Variants in MACROD2 observed in about 807,000 individuals in gnomAD.
MACROD2 encodes the protein mono-ADP ribosylhydrolase 2, also known as ADP-ribose glycohydrolase MACROD2.
MACROD2 carries 36 observed loss-of-function variants against 70.4 expected under a neutral mutation model. The observed-to-expected ratio is 0.51, with a 90% confidence interval of 0.39 to 0.68. The LOEUF is 0.68. Among genes scored for constraint, MACROD2 ranks in the 30% least tolerant of loss-of-function variants. The pLI, the probability that MACROD2 is intolerant of heterozygous loss-of-function variation, is 0.00. For synonymous variants in MACROD2, 172 were observed against 178.8 expected (o/e 0.96, Z 0.30); for missense variants, 496 against 538.4 (o/e 0.92, Z 0.78).
At chr20:14,350,836 C>T (rs575465625) in intron 3 of MACROD2, among the ~76,000 whole-genome samples, 1 of 152,246 alleles carries the variant, frequency 6.6e-6, no homozygotes, top group African/African-American at 2.4e-5. Context: ...TTTGCCCAGA[C>T]CTATGTCCTG....
At chr20:15,873,332 C>T (rs1324958208) in intron 9 of MACROD2, among the ~76,000 whole-genome samples, 1 of 151,966 alleles carries the variant, frequency 6.6e-6, no homozygotes, top group Non-Finnish European at 1.5e-5. Context: ...TTATTTTTTT[C>T]CTACCTTTCT....
intron 6 of MACROD2, among the ~76,000 whole-genome samples, chr20:15,407,102 A>G (rs1476415882): frequency 2.0e-5 from 3 of 152,200 alleles, no homozygotes; most frequent in African/African-American, 4.8e-5. Context: ...AGCACCTGCT[A>G]TCGGTACCTT....
chr20:14,490,400 AG>A (rs903048488), intron 3 of MACROD2, among the ~76,000 whole-genome samples: 5 of 152,172 alleles, frequency 3.3e-5, no homozygotes, highest in Non-Finnish European at 7.4e-5. Context: ...AAGTTATTTT[AG>A]GGGGAAGAAA....
chr20:15,393,545 C>T (rs890808310), intron 6 of MACROD2, among the ~76,000 whole-genome samples: 7 of 152,152 alleles, frequency 4.6e-5, no homozygotes, highest in African/African-American at 1.7e-4. Flanking sequence ...TTCTGCCCTC[C>T]CTTCACCCCA....
intron 6 of MACROD2, among the ~76,000 whole-genome samples, chr20:15,301,114 C>G (rs1262826972): frequency 6.6e-6 from 1 of 152,218 alleles, no homozygotes; most frequent in East Asian, 1.9e-4. Context: ...CTGTAGAAGT[C>G]AGTGACCATT....
At chr20:15,945,997 C>T (rs1199691071) in intron 12 of MACROD2, among the ~76,000 whole-genome samples, 1 of 152,100 alleles carries the variant, frequency 6.6e-6, no homozygotes, top group Non-Finnish European at 1.5e-5. Context: ...ACAGGGAGGG[C>T]AGTTTGGAGC....
At chr20:15,527,146 A>C (rs1019336280) in intron 8 of MACROD2, among the ~76,000 whole-genome samples, 12 of 152,164 alleles carry the variant, frequency 7.9e-5, no homozygotes, top group African/African-American at 2.9e-4. Context: ...CAGTGACTGC[A>C]TGTGTTCCCC....
chr20:15,665,102 G>A (rs2049879499), intron 8 of MACROD2, among the ~76,000 whole-genome samples: 1 of 152,164 alleles, frequency 6.6e-6, no homozygotes, highest in Admixed American at 6.5e-5. Flanking sequence ...ATAATTTGAA[G>A]TCTTGATTGA....
At chr20:15,458,578 A>G (rs1453600403) in intron 7 of MACROD2, among the ~76,000 whole-genome samples, 2 of 151,940 alleles carry the variant, frequency 1.3e-5, no homozygotes, top group African/African-American at 4.8e-5. Context: ...TAAAGATTAT[A>G]AGATTCTTTG....
chr20:15,584,810 C>T (rs990373253), intron 8 of MACROD2, among the ~76,000 whole-genome samples: 1 of 152,220 alleles, frequency 6.6e-6, no homozygotes, highest in Non-Finnish European at 1.5e-5. Flanking sequence ...TTATTGTCTT[C>T]TGTGTCTACT....
At chr20:15,857,835 C>T (rs1358837749) in intron 8 of MACROD2, among the ~76,000 whole-genome samples, 10 of 152,156 alleles carry the variant, frequency 6.6e-5, no homozygotes, top group African/African-American at 2.4e-4. Context: ...GAGATGATGG[C>T]TTGTCCGATG....
intron 15 of MACROD2, among the ~76,000 whole-genome samples, chr20:15,999,279 T>A (rs1222730585): frequency 6.6e-6 from 1 of 152,208 alleles, no homozygotes; most frequent in Non-Finnish European, 1.5e-5. Flanking sequence ...AATTTCCATA[T>A]ATTTGTGAAT....
At chr20:14,550,716 T>G (rs577414324) in intron 4 of MACROD2, among the ~76,000 whole-genome samples, 1 of 152,338 alleles carries the variant, frequency 6.6e-6, no homozygotes, top group East Asian at 1.9e-4. Context: ...AAGCAGCATT[T>G]ATAGTTTACA....
At chr20:15,344,364 T>G (rs2146211705) in intron 6 of MACROD2, among the ~76,000 whole-genome samples, 1 of 152,220 alleles carries the variant, frequency 6.6e-6, no homozygotes, top group Admixed American at 6.5e-5. Context: ...GAAGGCATGG[T>G]TCATTTTTGT....
At chr20:15,673,764 G>T (rs1207388796) in intron 8 of MACROD2, among the ~76,000 whole-genome samples, 1 of 145,212 alleles carries the variant, frequency 6.9e-6, no homozygotes, top group Non-Finnish European at 1.5e-5. Flanking sequence ...TTAGATTACT[G>T]GTTGCTCAGT....
chr20:14,575,309 A>G (rs1481280906), intron 4 of MACROD2, among the ~76,000 whole-genome samples: 1 of 152,180 alleles, frequency 6.6e-6, no homozygotes. Context: ...CAGTTTTGCA[A>G]AACACTTTAA....
chr20:14,947,626 C>T (rs1354250369), intron 5 of MACROD2, among the ~76,000 whole-genome samples: 1 of 152,172 alleles, frequency 6.6e-6, no homozygotes, highest in African/African-American at 2.4e-5. Flanking sequence ...TATTAAAACA[C>T]AGATGGCCTA....
chr20:15,919,502 C>T lies in MACROD2; in HGVS notation c.776-13774C>T, dbSNP rs910311645. Among the ~76,000 whole-genome samples, 50 of 152,192 alleles carry T rather than the reference C, an allele frequency of 3.3e-4. 1 individual carries two copies. Among genetic ancestry groups the T allele is most frequent in the African/African-American group, 1.1e-3 (45 of 41,508 alleles). The stretch of plus-strand genomic sequence containing the variant: ...CTGTAATCCCAGCCCTTTGGGAGGC[C>T]GAGGTGGGCAGATCATGAGGTCAGG... On this transcript the variant is annotated intron_variant, in intron 10 of 17. Coordinates refer to ENST00000684519, the MANE Select transcript of MACROD2 (RefSeq NM_001351661.2).
At chr20:15,233,658 G>C (rs1043340849) in intron 6 of MACROD2, among the ~76,000 whole-genome samples, 13 of 151,738 alleles carry the variant, frequency 8.6e-5, no homozygotes, top group Non-Finnish European at 1.8e-4. Context: ...ATCCACATTT[G>C]CTTTAGGTGG....
Sources: gnomAD v4.1 joint callset for allele counts (sites outside exome capture counted in the v4.1 genomes callset) on GRCh38, gnomAD v4.1.1 for gene constraint, MANE v1.5 for transcripts, NCBI Gene and HGNC (gene_info 2026-07-23, HGNC 2026-07-21) for gene names.